CDH13: variants seen among roughly 807,000 people sequenced by gnomAD.
CDH13 encodes cadherin-13.
Under a neutral mutation model 63.8 loss-of-function variants are expected in CDH13, and 24 were observed. The observed-to-expected ratio is 0.38, with a 90% CI of 0.27 to 0.53. CDH13 has a LOEUF of 0.53. Ranked by LOEUF, CDH13 falls within the 20% of genes least tolerant of loss-of-function variation. CDH13 has a pLI of 0.85. For missense variants in CDH13, 1,049 were observed against 903.1 expected (o/e 1.16, Z -2.07); for synonymous variants, 503 against 355.3 (o/e 1.42, Z -4.67).
At chr16:83,196,688 T>G (rs1480998863) in intron 4 of CDH13, among the ~76,000 whole-genome samples, 1 of 152,134 alleles carries the variant, frequency 6.6e-6, no homozygotes, top group African/African-American at 2.4e-5. Context: ...CATGAACAAA[T>G]GTTCCAACTC....
chr16:83,496,431 T>G (rs1378956096), intron 7 of CDH13, among the ~76,000 whole-genome samples: 1 of 151,352 alleles, frequency 6.6e-6, no homozygotes, highest in Non-Finnish European at 1.5e-5. Context: ...GTTTAATAAA[T>G]GGTGCTGGGA....
At chr16:83,553,807 T>C (rs1471929648) in intron 7 of CDH13, among the ~76,000 whole-genome samples, 1 of 152,240 alleles carries the variant, frequency 6.6e-6, no homozygotes, top group Admixed American at 6.5e-5. Flanking sequence ...TCCACCTGCC[T>C]TGGCCTCCCA....
At chr16:83,618,191 G>A (rs949389846) in intron 8 of CDH13, among the ~76,000 whole-genome samples, 8 of 152,136 alleles carry the variant, frequency 5.3e-5, no homozygotes, top group Non-Finnish European at 7.4e-5. Context: ...TTGGGAGGCC[G>A]AGGTGGGCTG....
intron 6 of CDH13, among the ~76,000 whole-genome samples, chr16:83,385,274 T>C (rs567781004): frequency 6.6e-6 from 1 of 152,234 alleles, no homozygotes; most frequent in Non-Finnish European, 1.5e-5. Context: ...GATCTTCATG[T>C]TAATTCTAAG....
intron 7 of CDH13, among the ~76,000 whole-genome samples, chr16:83,594,877 A>G (rs1313249419): frequency 6.6e-6 from 1 of 152,180 alleles, no homozygotes; most frequent in East Asian, 1.9e-4. Flanking sequence ...TTCTTTTTTC[A>G]AGATGAGATG....
chr16:83,275,782 G>T (rs982496707), intron 5 of CDH13, among the ~76,000 whole-genome samples: 3 of 152,246 alleles, frequency 2.0e-5, no homozygotes, highest in Non-Finnish European at 4.4e-5. Flanking sequence ...CTTCCATTCA[G>T]AGCAAATAAG....
intron 1 of CDH13, among the ~76,000 whole-genome samples, chr16:82,788,911 T>A (rs7196979): frequency 6.6e-6 from 1 of 152,022 alleles, no homozygotes; most frequent in African/African-American, 2.4e-5. Context: ...AGGAAGACAT[T>A]TAAAAGAAAC....
At chr16:83,739,201 C>T (rs4782839) in intron 10 of CDH13, among the ~76,000 whole-genome samples, 88,404 of 151,934 alleles carry the variant, frequency 0.58, 26,677 homozygotes, top group East Asian at 0.7. Context: ...CTGTTTTCCC[C>T]CTGGGAGTCA....
chr16:82,733,489 A>C (rs1182087607), intron 1 of CDH13, among the ~76,000 whole-genome samples: 1 of 152,188 alleles, frequency 6.6e-6, no homozygotes, highest in Admixed American at 6.5e-5. Flanking sequence ...CAAGGGAAAG[A>C]GTTCATGATT....
intron 10 of CDH13, among the ~76,000 whole-genome samples, chr16:83,682,868 G>A (rs1915519383): frequency 6.6e-6 from 1 of 152,120 alleles, no homozygotes; most frequent in African/African-American, 2.4e-5. Context: ...CATCCTAATG[G>A]CCACTGTCAC....
chr16:82,854,901 C>A (rs1171592909), intron 1 of CDH13, among the ~76,000 whole-genome samples: 1 of 152,164 alleles, frequency 6.6e-6, no homozygotes, highest in African/African-American at 2.4e-5. Context: ...CTGTGTGGCA[C>A]CTTTCTCATT....
At chr16:83,306,383 G>A (rs568621760) in intron 5 of CDH13, among the ~76,000 whole-genome samples, 7 of 152,260 alleles carry the variant, frequency 4.6e-5, no homozygotes, top group Non-Finnish European at 1.0e-4. Context: ...CTGTTCTGGA[G>A]TTTGAGTGAG....
intron 1 of CDH13, among the ~76,000 whole-genome samples, chr16:82,788,829 A>T (rs1223678258): frequency 6.6e-6 from 1 of 152,190 alleles, no homozygotes; most frequent in Non-Finnish European, 1.5e-5. Flanking sequence ...AAGAAGCAGG[A>T]ATGGGTAGCA....
intron 6 of CDH13, among the ~76,000 whole-genome samples, chr16:83,381,337 C>T (rs62042626): frequency 0.49 from 74,443 of 151,752 alleles, 20,542 homozygotes; most frequent in East Asian, 0.83. Flanking sequence ...TTCATGTCTT[C>T]CTGGATTTCT....
intron 5 of CDH13, among the ~76,000 whole-genome samples, chr16:83,311,705 T>C (rs2090004037): frequency 6.6e-6 from 1 of 152,204 alleles, no homozygotes; most frequent in African/African-American, 2.4e-5. Context: ...TTGTACTCTC[T>C]ATGATATCCA....
chr16:83,633,194 C>A (rs1445630163), intron 8 of CDH13, among the ~76,000 whole-genome samples: 2 of 151,784 alleles, frequency 1.3e-5, no homozygotes, highest in African/African-American at 4.9e-5. Flanking sequence ...ATGCCTCAAC[C>A]TCCTGACAAT....
rs112874874 is a variant in CDH13 at position 83,617,342 on chromosome 16, A to T, written c.1101+14748A>T. On this transcript the variant is annotated intron_variant, in intron 8 of 13. Coordinates refer to ENST00000567109, the MANE Select transcript of CDH13 (RefSeq NM_001257.5). ...ACCTGTATACCATTATATGCTGCGTATAAGTAATACTCTATTATGTATGCT... is the reference window on the plus strand; with the variant it reads ...ACCTGTATACCATTATATGCTGCGTTTAAGTAATACTCTATTATGTATGCT... 6.1e-3 allele frequency among the ~76,000 whole-genome samples: 923 copies of T among 152,286 alleles called. 7 individuals carry two copies. The highest frequency in any genetic ancestry group is 0.021 in the African/African-American group (860 of 41,550).
In CDH13 at chr16:83,246,714, C is replaced by T. The variant is rs190168932; in HGVS notation, c.636+29217C>T. 1.2e-4 allele frequency among the ~76,000 whole-genome samples: 18 copies of T among 152,310 alleles called. No individual in the cohort carries two copies. In the East Asian group the frequency reaches 3.5e-3, roughly 29 times the overall value. Reference sequence around the variant, plus strand: ...TGCCTTTGAGGCCCCTATGTTTACTCTTCGCCGGTGTTGCTGCCAGAAGCT... The same window carrying T: ...TGCCTTTGAGGCCCCTATGTTTACTTTTCGCCGGTGTTGCTGCCAGAAGCT... On this transcript the variant is annotated intron_variant, in intron 5 of 13. Transcript: ENST00000567109.
intron 11 of CDH13, among the ~76,000 whole-genome samples, chr16:83,756,512 C>G (rs1913518366): frequency 6.6e-6 from 1 of 152,226 alleles, no homozygotes; most frequent in African/African-American, 2.4e-5. Context: ...CGGCCCAACA[C>G]AAATTTTTAA....
Sources: gnomAD v4.1 joint callset for allele counts (sites outside exome capture counted in the v4.1 genomes callset) on GRCh38, gnomAD v4.1.1 for gene constraint, MANE v1.5 for transcripts, NCBI Gene and HGNC (gene_info 2026-07-23, HGNC 2026-07-21) for gene names.